Variants in KIAA1549L observed in about 807,000 individuals in gnomAD.
The protein encoded by KIAA1549L is UPF0606 protein KIAA1549L.
In KIAA1549L, 88 loss-of-function variants were observed where a neutral mutation model predicts 160.7. The observed-to-expected ratio is 0.55, with a 90% confidence interval of 0.46 to 0.65. The LOEUF (loss-of-function observed/expected upper bound fraction) is 0.65. Among genes scored for constraint, KIAA1549L ranks in the 30% least tolerant of loss-of-function variants. The pLI is 0.00. For missense variants in KIAA1549L, 2,258 were observed against 2,437.5 expected (o/e 0.93, Z 1.55); for synonymous variants, 950 against 976.7 (o/e 0.97, Z 0.51).
rs139258867 is a variant in KIAA1549L, at chr11:33,400,918, C to T, written c.238+24029C>T. Among the ~76,000 whole-genome samples the T allele has an allele frequency of 3.7e-3, 565 of 152,192 alleles. 4 individuals are homozygous for T. Among genetic ancestry groups the T allele is most frequent in the Non-Finnish European group, 5.6e-3 (384 of 68,020 alleles). On this transcript the variant is annotated intron_variant, in intron 1 of 20. Coordinates refer to ENST00000658780, the MANE Select transcript of KIAA1549L (RefSeq NM_012194.3). ...GGCTTAGAGAGGTGATATAACTTGCCCAGGACCACATAGCATAATGTTGGA... is the reference window on the plus strand; with the variant it reads ...GGCTTAGAGAGGTGATATAACTTGCTCAGGACCACATAGCATAATGTTGGA...
intron 1 of KIAA1549L, among the ~76,000 whole-genome samples, chr11:33,495,396 A>G (rs1283698054): frequency 6.6e-5 from 10 of 150,942 alleles, no homozygotes; most frequent in South Asian, 4.2e-4. Context: ...TTGTTCTTGC[A>G]ATAGTTTACT....
chr11:33,544,781 T>C lies in KIAA1549L; in HGVS notation c.2788T>C (p.Ser930Pro), dbSNP rs772529709. The change falls in exon 3 of 21, where the codon TCT (serine) becomes CCT (proline). Residue 930 changes from serine to proline, a missense_variant. Physicochemically the swap from Ser to Pro is moderately conservative, Grantham distance 74 (BLOSUM62 -1). Transcript: ENST00000658780. ...TCTCTTTACAGCGGACACAGTATCA[T>C]CTAAGGTACAGCCAACAGCAGCAGC... ...PKKWTADTVSSKVQPTAAAAV... is the reference protein window; with the variant it reads ...PKKWTADTVSPKVQPTAAAAV... 1.2e-6 allele frequency: 2 copies of C among 1,602,964 alleles called. No individual in the cohort carries two copies.
chr11:33,598,094 A>G (rs559221663), intron 12 of KIAA1549L, among the ~76,000 whole-genome samples: 1 of 152,154 alleles, frequency 6.6e-6, no homozygotes, highest in Admixed American at 6.5e-5. Context: ...CACAGAGTAG[A>G]TGAATGAAAC....
chr11:33,508,030 G>A (rs1340108915), intron 1 of KIAA1549L, among the ~76,000 whole-genome samples: 2 of 152,170 alleles, frequency 1.3e-5, no homozygotes, highest in Non-Finnish European at 2.9e-5. Flanking sequence ...TAATCATGAG[G>A]CTGATGCCCA....
At chr11:33,605,976 T>C (rs539564898) in intron 13 of KIAA1549L, among the ~76,000 whole-genome samples, 15 of 152,332 alleles carry the variant, frequency 9.8e-5, no homozygotes, top group African/African-American at 2.9e-4. Context: ...GAGGATTAAT[T>C]TAACAGAGCG....
intron 1 of KIAA1549L, among the ~76,000 whole-genome samples, chr11:33,540,462 T>A (rs1439599477): frequency 1.3e-5 from 2 of 152,222 alleles, no homozygotes; most frequent in Admixed American, 1.3e-4. Context: ...CAGATAAGAC[T>A]GCATGCAAAG....
chr11:33,430,466 A>C (rs953400402), intron 1 of KIAA1549L, among the ~76,000 whole-genome samples: 1 of 152,204 alleles, frequency 6.6e-6, no homozygotes, highest in African/African-American at 2.4e-5. Flanking sequence ...ACTTGCCCTG[A>C]GGCTATCCTT....
At position 33,668,273 on chromosome 11, in the gene KIAA1549L, T is replaced by C; in HGVS notation, c.*119T>C. The C allele has an allele frequency of 1.1e-6, 1 of 947,194 alleles. No individual in the cohort carries two copies. The allele number at this position is 947,194 out of a possible 1,614,324, so 58.7% of individuals were successfully genotyped here. A position where few individuals can be genotyped will look rare whatever the true frequency, so the allele number is the denominator to read the frequency against. Reference sequence around the variant, plus strand: ...TGGGTGAGTCTTTCTCACCCTCCATTTCTGAAAAGGTGAACTATGGGGCTT... The same window carrying C: ...TGGGTGAGTCTTTCTCACCCTCCATCTCTGAAAAGGTGAACTATGGGGCTT... On this transcript the variant is annotated 3_prime_UTR_variant, in exon 21 of 21. Transcript: ENST00000658780.
intron 1 of KIAA1549L, among the ~76,000 whole-genome samples, chr11:33,478,075 G>A: frequency 6.6e-6 from 1 of 152,236 alleles, no homozygotes; most frequent in East Asian, 1.9e-4. Flanking sequence ...AAAGGCTTGA[G>A]TGTTTCTCTG....
chr11:33,420,914 A>G (rs928954180), intron 1 of KIAA1549L, among the ~76,000 whole-genome samples: 4 of 152,110 alleles, frequency 2.6e-5, no homozygotes, highest in South Asian at 2.1e-4. Flanking sequence ...GATTTTGACT[A>G]TTCTCGATGG....
rs2133322754 is a variant in KIAA1549L at position 33,606,813 on chromosome 11, C to T, written c.5052C>T (p.Leu1684=). 1 of 1,605,004 alleles carries T rather than the reference C, an allele frequency of 6.2e-7. No homozygotes were observed. Among genetic ancestry groups the T allele is most frequent in the East Asian group, 2.2e-5 (1 of 44,546 alleles). The part of the protein sequence containing the change: ...SDRSQESSAV[L]NGEVNKALKQ... ...GGAGCCAGGAGTCATCGGCAGTCCTCAACGGCGAGGTAAGTGCCTGGAGAC... is the reference window on the plus strand; with the variant it reads ...GGAGCCAGGAGTCATCGGCAGTCCTTAACGGCGAGGTAAGTGCCTGGAGAC... Residue 1684 remains leucine (L), a synonymous_variant, in exon 14 of 21, where the codon CTC becomes CTT. Transcript: ENST00000658780.
At chr11:33,665,010 C>T (rs554247720) in intron 20 of KIAA1549L, among the ~76,000 whole-genome samples, 1 of 152,308 alleles carries the variant, frequency 6.6e-6, no homozygotes, top group East Asian at 1.9e-4. Context: ...TCCTGTCTGT[C>T]TTGCCTGAGC....
intron 1 of KIAA1549L, among the ~76,000 whole-genome samples, chr11:33,400,562 T>A (rs1565120574): frequency 6.6e-6 from 1 of 152,220 alleles, no homozygotes; most frequent in Admixed American, 6.5e-5. Flanking sequence ...TCTTAGAGAA[T>A]CATGTACCAG....
intron 17 of KIAA1549L, among the ~76,000 whole-genome samples, chr11:33,653,407 A>G (rs1490058752): frequency 6.6e-6 from 1 of 152,184 alleles, no homozygotes; most frequent in Non-Finnish European, 1.5e-5. Context: ...TTGCTGACAC[A>G]CTTCTAGGTT....
intron 1 of KIAA1549L, among the ~76,000 whole-genome samples, chr11:33,399,259 G>A (rs567311372): frequency 6.6e-6 from 1 of 152,210 alleles, no homozygotes; most frequent in African/African-American, 2.4e-5. Context: ...GGCCCAGTTA[G>A]TGTTTATAAT....
rs576272050 is a variant in KIAA1549L, at chr11:33,392,941, C to A, written c.238+16052C>A. Among the ~76,000 whole-genome samples the A allele has an allele frequency of 2.1e-3, 315 of 152,314 alleles. 1 individual carries two copies. The highest frequency in any genetic ancestry group is 7.2e-3 in the African/African-American group (301 of 41,576). On this transcript the variant is annotated intron_variant, in intron 1 of 20. Coordinates refer to ENST00000658780, the MANE Select transcript of KIAA1549L (RefSeq NM_012194.3). The stretch of plus-strand genomic sequence containing the variant: ...GCTGCCTTATTTCAGACCCTCCCTC[C>A]TTTTGGTCCACGTTCTTACCAAAGC...
intron 1 of KIAA1549L, among the ~76,000 whole-genome samples, chr11:33,450,219 A>G (rs1851691777): frequency 6.6e-6 from 1 of 152,118 alleles, no homozygotes; most frequent in South Asian, 2.1e-4. Flanking sequence ...TGGGATGAAA[A>G]TGGGCGAGTT....
In KIAA1549L at chr11:33,667,862, G is replaced by T. The variant is rs760959781; in HGVS notation, c.6160-11G>T. On this transcript the variant is annotated splice_polypyrimidine_tract_variant and intron_variant, in intron 20 of 20. Coordinates refer to ENST00000658780, the MANE Select transcript of KIAA1549L (RefSeq NM_012194.3). Reference sequence around the variant, plus strand: ...CCAGGCCCTGTCCTTCTCTCCCCACGCCCTCTGCAGGTGCCCCTCCCAGGG... The same window carrying T: ...CCAGGCCCTGTCCTTCTCTCCCCACTCCCTCTGCAGGTGCCCCTCCCAGGG... 1 of 1,602,814 alleles carries T rather than the reference G, an allele frequency of 6.2e-7. No individual in the cohort carries two copies. Among genetic ancestry groups the T allele is most frequent in the Admixed American group, 1.7e-5 (1 of 59,138 alleles).
At chr11:33,412,100 A>G (rs1850796784) in intron 1 of KIAA1549L, among the ~76,000 whole-genome samples, 1 of 152,206 alleles carries the variant, frequency 6.6e-6, no homozygotes, top group Non-Finnish European at 1.5e-5. Context: ...TTAGTGTTTA[A>G]AGGTCAGAGT....
Sources: gnomAD v4.1 joint callset for allele counts (sites outside exome capture counted in the v4.1 genomes callset) on GRCh38, gnomAD v4.1.1 for gene constraint, MANE v1.5 for transcripts, NCBI Gene and HGNC (gene_info 2026-07-23, HGNC 2026-07-21) for gene names.